The following STX16 variants were observed in gnomAD, a reference collection of about 807,000 sequenced individuals.
STX16 encodes the protein syntaxin-16.
STX16 carries 28 observed loss-of-function variants against 42.7 expected under a neutral mutation model. That is an observed-to-expected ratio of 0.66 (90% CI 0.49 to 0.90). The LOEUF is 0.90. Among genes scored for constraint, STX16 ranks in the 40% least tolerant of loss-of-function variants. The pLI is 0.00. For missense variants in STX16, 361 were observed against 420.9 expected, an observed-to-expected ratio of 0.86 and a Z score of 1.24; for synonymous variants, 156 against 155.2, an observed-to-expected ratio of 1.00 and a Z score of -0.04.
chr20:58,656,402 A>T (rs963027578), intron 1 of STX16, among the ~76,000 whole-genome samples: 4 of 152,358 alleles, frequency 2.6e-5, no homozygotes, highest in Middle Eastern at 6.8e-3. Context: ...GTAGCAACTC[A>T]TTCAAGCAGC....
At chr20:58,667,925 C>G (rs2083874050) in intron 3 of STX16, 62 bp from the exon 4 acceptor site, 2 of 1,606,424 alleles carry the variant, frequency 1.2e-6, no homozygotes, top group South Asian at 2.2e-5. Flanking sequence ...CTGAGTGTAG[C>G]TGATGGAGGC....
chr20:58,664,016 T>A (rs2083761239), intron 2 of STX16, among the ~76,000 whole-genome samples: 1 of 152,198 alleles, frequency 6.6e-6, no homozygotes, highest in Non-Finnish European at 1.5e-5. Flanking sequence ...GGGCACCATG[T>A]TGAAATTCAG....
chr20:58,669,491 A>G (rs1191532826), intron 5 of STX16, 38 bp downstream of exon 5: 1 of 1,573,216 alleles, frequency 6.4e-7, no homozygotes, highest in Admixed American at 2.2e-5. Flanking sequence ...GATTTTGAGT[A>G]AGAAAAGCAC....
At chr20:58,672,682 A>G (rs990276522) in intron 7 of STX16, among the ~76,000 whole-genome samples, 1 of 152,160 alleles carries the variant, frequency 6.6e-6, no homozygotes, top group African/African-American at 2.4e-5. Context: ...CCTCGAGGGT[A>G]CTCATGTGAG....
intron 2 of STX16, among the ~76,000 whole-genome samples, chr20:58,663,170 A>C (rs894295677): frequency 6.6e-6 from 1 of 152,212 alleles, no homozygotes; most frequent in African/African-American, 2.4e-5. Context: ...CGTTACGGCT[A>C]AACTTAGTTG....
chr20:58,654,510 A>G (rs2083545116), intron 1 of STX16, among the ~76,000 whole-genome samples: 1 of 152,190 alleles, frequency 6.6e-6, no homozygotes, highest in East Asian at 1.9e-4. Flanking sequence ...GATTTTTTCA[A>G]CTTTTCTGGA....
chr20:58,668,521 T>C (rs910855034), intron 4 of STX16, among the ~76,000 whole-genome samples: 7 of 152,080 alleles, frequency 4.6e-5, no homozygotes, highest in African/African-American at 1.7e-4. Context: ...AAATATTAAA[T>C]TTGATTAATT....
intron 1 of STX16, 99 bp downstream of exon 1, chr20:58,652,237 T>C (rs1000830776): frequency 3.4e-6 from 5 of 1,473,846 alleles, no homozygotes; most frequent in South Asian, 1.2e-5. Context: ...AAAGAGAAGA[T>C]AAGAATAATA....
Position 58,669,271 on chromosome 20 carries a change from C to A in STX16, c.394-20C>A. The stretch of plus-strand genomic sequence containing the variant: ...GCTTCTCTCCCAGGCTTGCCCTGAG[C>A]CTCGGGCTTGTTCTCTTAGCTCTTC... On this transcript the variant is annotated intron_variant, in intron 4 of 8. Coordinates refer to ENST00000371141, the MANE Select transcript of STX16 (RefSeq NM_001001433.3). The A allele has an allele frequency of 6.2e-7, 1 of 1,607,458 alleles. No homozygotes were observed.
At chr20:58,672,274 G>A (rs900313066) in intron 7 of STX16, among the ~76,000 whole-genome samples, 1 of 152,160 alleles carries the variant, frequency 6.6e-6, no homozygotes, top group Non-Finnish European at 1.5e-5. Context: ...AGAGGTTGCA[G>A]TGAGCCGAGA....
intron 2 of STX16, among the ~76,000 whole-genome samples, chr20:58,662,098 C>T (rs2083714247): frequency 6.6e-6 from 1 of 152,342 alleles, no homozygotes; most frequent in East Asian, 1.9e-4. Context: ...TGGCCCTCTC[C>T]TTTGTTCTCT....
intron 1 of STX16, among the ~76,000 whole-genome samples, chr20:58,658,362 C>T (rs1007037140): frequency 6.6e-6 from 1 of 152,094 alleles, no homozygotes; most frequent in African/African-American, 2.4e-5. Flanking sequence ...ATTAAATCAG[C>T]TTTCCATTTG....
intron 1 of STX16, among the ~76,000 whole-genome samples, chr20:58,656,509 A>G (rs926004655): frequency 1.3e-5 from 2 of 152,226 alleles, no homozygotes. Context: ...AGATATTGAG[A>G]TGCTCTTCTG....
At chr20:58,665,677 G>A (rs994780175) in intron 2 of STX16, among the ~76,000 whole-genome samples, 1 of 152,094 alleles carries the variant, frequency 6.6e-6, no homozygotes, top group African/African-American at 2.4e-5. Context: ...ACCACTTCAC[G>A]GCCCGGGAGC....
At chr20:58,676,124 G>C in intron 8 of STX16, 63 bp from the exon 9 acceptor site, 1 of 1,385,798 alleles carries the variant, frequency 7.2e-7, no homozygotes, top group South Asian at 1.2e-5. Flanking sequence ...TTCTGGAAAC[G>C]AGTGGGACTT....
At chr20:58,659,726 A>G (rs1716117050) in intron 2 of STX16, 92 bp downstream of exon 2, 2 of 1,331,244 alleles carry the variant, frequency 1.5e-6, no homozygotes, top group Non-Finnish European at 2.1e-6. Context: ...ATAAAATGCT[A>G]ACAGCTTATA....
chr20:58,659,447 TAA>T (rs754033649), intron 1 of STX16, among the ~76,000 whole-genome samples, 174 bp from the exon 2 acceptor site: 9 of 144,720 alleles, frequency 6.2e-5, no homozygotes, highest in Admixed American at 1.4e-4. Flanking sequence ...TAGCTTAATT[TAA>T]AAAAAAAAAA....
At chr20:58,669,571 GCT>G in intron 5 of STX16, 118 bp downstream of exon 5, 9 of 1,238,926 alleles carry the variant, frequency 7.3e-6, no homozygotes, top group Non-Finnish European at 8.8e-6. Context: ...TTTTGAACAT[GCT>G]CATACCTTGT....
chr20:58,659,450 A>C (rs2083649355), intron 1 of STX16, among the ~76,000 whole-genome samples, 173 bp from the exon 2 acceptor site: 1 of 150,718 alleles, frequency 6.6e-6, no homozygotes, highest in Non-Finnish European at 1.5e-5. Context: ...CTTAATTTAA[A>C]AAAAAAAAAG....
Sources: allele counts gnomAD v4.1 joint callset (sites outside exome capture counted in the v4.1 genomes callset), GRCh38; gene constraint gnomAD v4.1.1; transcripts MANE v1.5; gene names NCBI Gene and HGNC (gene_info 2026-07-23, HGNC 2026-07-21).